TMEM131L: variants seen among roughly 807,000 people sequenced by gnomAD.
TMEM131L encodes transmembrane protein 131-like.
A neutral mutation model predicts 192.2 loss-of-function variants in TMEM131L; 54 were observed. The ratio of observed to expected loss-of-function variants is 0.28; its 90% CI spans 0.23 to 0.35. TMEM131L has a LOEUF of 0.35. Among genes scored for constraint, TMEM131L ranks in the 10% least tolerant of loss-of-function variants. The pLI is 1.00. For missense variants in TMEM131L, 1,888 were observed against 1,972.9 expected (o/e 0.96, Z 0.82); for synonymous variants, 701 against 704.9 (o/e 0.99, Z 0.09).
At chr4:153,587,926 A>G (rs541851015) in intron 15 of TMEM131L, 115 bp downstream of exon 15, 133 of 782,336 alleles carry the variant, frequency 1.7e-4, no homozygotes, top group South Asian at 7.0e-4. Flanking sequence ...ATCATATTCT[A>G]TAGAGAGGAT....
intron 16 of TMEM131L, among the ~76,000 whole-genome samples, chr4:153,590,026 C>T (rs1008117839): frequency 6.6e-6 from 1 of 152,174 alleles, no homozygotes; most frequent in Non-Finnish European, 1.5e-5. Flanking sequence ...ACTTGACATT[C>T]ATGTAATTAT....
intron 3 of TMEM131L, among the ~76,000 whole-genome samples, chr4:153,522,966 A>G (rs192565221): frequency 3.9e-4 from 59 of 152,352 alleles, no homozygotes; most frequent in Admixed American, 3.7e-3. Context: ...TGCCTGGGCT[A>G]CAGAGCTTGG....
chr4:153,553,263 A>G (rs1029669358), intron 4 of TMEM131L, among the ~76,000 whole-genome samples: 2 of 152,186 alleles, frequency 1.3e-5, no homozygotes, highest in East Asian at 3.8e-4. Context: ...ATCGTTTTCA[A>G]ATATCTCTTT....
At chr4:153,490,236 T>C (rs1732667181) in intron 3 of TMEM131L, among the ~76,000 whole-genome samples, 1 of 152,232 alleles carries the variant, frequency 6.6e-6, no homozygotes, top group Non-Finnish European at 1.5e-5. Context: ...CGTGTTAGTT[T>C]GACTTTCAGG....
intron 3 of TMEM131L, among the ~76,000 whole-genome samples, chr4:153,519,826 T>G (rs1420430511): frequency 1.3e-5 from 2 of 152,158 alleles, no homozygotes; most frequent in Non-Finnish European, 2.9e-5. Flanking sequence ...CTATATCAAG[T>G]GTCAGTTATG....
chr4:153,589,900 C>T (rs745716315), intron 16 of TMEM131L, among the ~76,000 whole-genome samples: 3 of 152,192 alleles, frequency 2.0e-5, no homozygotes, highest in Non-Finnish European at 4.4e-5. Context: ...GCCGAGTCAT[C>T]AAAAGTGAGC....
intron 3 of TMEM131L, among the ~76,000 whole-genome samples, chr4:153,488,480 A>G (rs573270399): frequency 2.7e-4 from 41 of 152,198 alleles, no homozygotes; most frequent in African/African-American, 9.1e-4. Context: ...AGAAGGAACA[A>G]AATTGGGACA....
chr4:153,592,713 A>G, intron 18 of TMEM131L, 129 bp downstream of exon 18: 1 of 671,922 alleles, frequency 1.5e-6, no homozygotes, highest in Non-Finnish European at 2.6e-6. Context: ...CGATTAGCTC[A>G]TGGACCTTGG....
chr4:153,624,071 G>T (rs535384530), intron 29 of TMEM131L, among the ~76,000 whole-genome samples: 10 of 149,432 alleles, frequency 6.7e-5, no homozygotes, highest in Admixed American at 6.7e-4. Flanking sequence ...TCATACTTCA[G>T]TGTAGCCTTC....
chr4:153,607,378 A>C (rs1732312831), intron 25 of TMEM131L, among the ~76,000 whole-genome samples: 1 of 152,204 alleles, frequency 6.6e-6, no homozygotes, highest in South Asian at 2.1e-4. Context: ...TTCCATTGTA[A>C]GATCTTTTCT....
chr4:153,598,648 T>C lies in TMEM131L; in HGVS notation c.2182T>C (p.Leu728=). ...GVEGFGAREL[L]KVGGRLPGAG... ...GGAAGGATTTGGAGCAAGAGAGTTATTAAAAGTGGGTGGAAGACTTCCTGG... is the reference window on the plus strand; with the variant it reads ...GGAAGGATTTGGAGCAAGAGAGTTACTAAAAGTGGGTGGAAGACTTCCTGG... The change falls in exon 21 of 35, where the codon TTA becomes CTA. Residue 728 remains leucine, a synonymous_variant. Coordinates refer to ENST00000409959, the MANE Select transcript of TMEM131L (RefSeq NM_001131007.2). 6.2e-7 allele frequency: 1 copy of C among 1,613,968 alleles called. No homozygotes were observed. Among genetic ancestry groups the C allele is most frequent in the Non-Finnish European group, 8.5e-7 (1 of 1,179,884 alleles).
At chr4:153,551,815 G>A (rs772486044) in intron 4 of TMEM131L, among the ~76,000 whole-genome samples, 51 of 152,284 alleles carry the variant, frequency 3.3e-4, no homozygotes, top group Middle Eastern at 3.4e-3. Flanking sequence ...TTTAATAGAA[G>A]CTGAATGCTT....
intron 25 of TMEM131L, among the ~76,000 whole-genome samples, chr4:153,610,723 A>AGGGGACT (rs779813841): frequency 1.6e-4 from 24 of 152,268 alleles, no homozygotes; most frequent in Non-Finnish European, 3.1e-4. Context: ...TCAGAATCAG[A>AGGGGACT]GGGGACTTGA....
At chr4:153,593,921 A>G (rs751954936) in intron 19 of TMEM131L, 50 bp downstream of exon 19, 1 of 1,187,314 alleles carries the variant, frequency 8.4e-7, no homozygotes, top group South Asian at 1.2e-5. Flanking sequence ...AACTAGACAC[A>G]TGAGCATACG....
chr4:153,538,314 C>G (rs1178165426), intron 3 of TMEM131L, among the ~76,000 whole-genome samples: 1 of 152,134 alleles, frequency 6.6e-6, no homozygotes, highest in Non-Finnish European at 1.5e-5. Flanking sequence ...CATGGAGGTC[C>G]TTGTACGTCC....
chr4:153,559,855 C>T (rs1017619451), intron 7 of TMEM131L, among the ~76,000 whole-genome samples: 1 of 152,044 alleles, frequency 6.6e-6, no homozygotes, highest in Non-Finnish European at 1.5e-5. Flanking sequence ...GGCTGTAAGA[C>T]CTGCGTGGTG....
intron 3 of TMEM131L, among the ~76,000 whole-genome samples, chr4:153,527,283 G>GT (rs200570730): frequency 2.6e-5 from 4 of 151,784 alleles, no homozygotes; most frequent in Non-Finnish European, 5.9e-5. Context: ...TTTCTTTGTG[G>GT]GGGGGCGGTG....
intron 8 of TMEM131L, 137 bp downstream of exon 8, chr4:153,581,040 T>A: frequency 1.6e-6 from 1 of 609,604 alleles, no homozygotes; most frequent in Non-Finnish European, 2.9e-6. Flanking sequence ...GATCACGAGG[T>A]CAGGAGATTG....
rs771487657 is a variant in TMEM131L at position 153,620,748 on chromosome 4, T to G, written c.3568-8T>G. Reference sequence around the variant, plus strand: ...TAAACCATTAAACATTTACTTTCTCTTCTTTAGCAAGAAGATCCTTATAGG... The same window carrying G: ...TAAACCATTAAACATTTACTTTCTCGTCTTTAGCAAGAAGATCCTTATAGG... On this transcript the variant is annotated splice_polypyrimidine_tract_variant and splice_region_variant and intron_variant, in intron 26 of 34. Coordinates refer to ENST00000409959, the MANE Select transcript of TMEM131L (RefSeq NM_001131007.2). 8 of 1,493,984 alleles carry G rather than the reference T, an allele frequency of 5.4e-6. No individual in the cohort carries two copies. The African/African-American group carries it at 1.1e-4, about 21-fold the overall frequency. 92.5% of individuals were successfully genotyped at this position (1,493,984 alleles called of 1,614,324 possible).
Sources: gnomAD v4.1 joint callset for allele counts (sites outside exome capture counted in the v4.1 genomes callset) on GRCh38, gnomAD v4.1.1 for gene constraint, MANE v1.5 for transcripts, NCBI Gene and HGNC (gene_info 2026-07-23, HGNC 2026-07-21) for gene names.